NCOR2: variants seen among roughly 807,000 people sequenced by gnomAD.
The protein encoded by NCOR2 is CTG repeat protein 26.
In NCOR2, 81 loss-of-function variants were observed where a neutral mutation model predicts 262.9. The ratio of observed to expected loss-of-function variants is 0.31; its 90% CI spans 0.26 to 0.37. The LOEUF is 0.37. Among genes scored for constraint, NCOR2 ranks in the 10% least tolerant of loss-of-function variants. NCOR2 has a pLI of 1.00. For missense variants in NCOR2, 3,385 were observed against 3,621.4 expected (o/e 0.93, Z 1.68); for synonymous variants, 1,659 against 1,559.3 (o/e 1.06, Z -1.51).
chr12:124,333,888 G>GTGTGTGTGTGCGCGCA lies in NCOR2; in HGVS notation c.6605+535_6605+536insTGCGCGCACACACACA, dbSNP rs777481440. 6.8e-3 allele frequency among the ~76,000 whole-genome samples: 141 copies of GTGTGTGTGTGCGCGCA among 20,710 alleles called. 2 individuals carry two copies. The East Asian group carries it at 0.16, about 24-fold the overall frequency. The allele number at this position is 20,710 out of a possible 152,430, so 13.6% of individuals were successfully genotyped here. ...TGTGCGCATGTGTGCGGGTGTGCAT[G>GTGTGTGTGTGCGCGCA]TGTGTGTGCGCGCGCATGTGTGCGG... On this transcript the variant is annotated intron_variant, in intron 41 of 46. Transcript: ENST00000405201.
intron 7 of NCOR2, among the ~76,000 whole-genome samples, chr12:124,438,607 G>A (rs1314613040): frequency 6.6e-6 from 1 of 152,068 alleles, no homozygotes; most frequent in African/African-American, 2.4e-5. Flanking sequence ...TCTCAACCAA[G>A]CAGGTTACAC....
rs1485969432 is a variant in NCOR2 at position 124,354,213 on chromosome 12, G to GTGGGGC, written c.3590-23_3590-18dup. ...GAGCTGTCCCTGGAAGACACAAGAT[G>GTGGGGC]TGGGGCTGAGGGCGTGTCTGTGGCC... On this transcript the variant is annotated splice_polypyrimidine_tract_variant and intron_variant, in intron 26 of 46. Transcript: ENST00000405201. 4 of 1,574,886 alleles carry GTGGGGC rather than the reference G, an allele frequency of 2.5e-6. No individual in the cohort carries two copies. The African/African-American group carries it at 5.4e-5, about 21-fold the overall frequency.
At chr12:124,427,389 A>C (rs550350242) in intron 10 of NCOR2, among the ~76,000 whole-genome samples, 19 of 152,234 alleles carry the variant, frequency 1.2e-4, no homozygotes, top group African/African-American at 4.3e-4. Context: ...GGCCGCTCCT[A>C]ATGCACTGGG....
exon 47 of NCOR2, chr12:124,325,005 G>A (rs1005677065): frequency 3.1e-5 from 5 of 159,796 alleles, no homozygotes; most frequent in Admixed American, 1.9e-4. Flanking sequence ...CGGGGGCTGC[G>A]AGCTCAGTTT....
intron 8 of NCOR2, among the ~76,000 whole-genome samples, chr12:124,433,448 C>A (rs946252191): frequency 4.3e-4 from 65 of 152,300 alleles, no homozygotes; most frequent in Middle Eastern, 3.4e-3. Context: ...GCCAGCGGGG[C>A]CTCAGCCTGT....
At chr12:124,363,690 T>C in exon 21 of NCOR2, 1 of 1,389,930 alleles carries the variant, frequency 7.2e-7, no homozygotes, top group Admixed American at 2.7e-5. Flanking sequence ...ATGGGGGGGA[T>C]GGCAGCCGCT....
chr12:124,403,943 G>A (rs914895318), intron 13 of NCOR2, among the ~76,000 whole-genome samples: 3 of 152,336 alleles, frequency 2.0e-5, no homozygotes, highest in African/African-American at 7.2e-5. Context: ...TGTAAGAGGA[G>A]CCAGGAAGGG....
chr12:124,519,779 G>C (rs377608228), intron 1 of NCOR2, among the ~76,000 whole-genome samples: 1 of 152,162 alleles, frequency 6.6e-6, no homozygotes, highest in Non-Finnish European at 1.5e-5. Context: ...TGTGCTAAGC[G>C]GGTCCCCTGG....
intron 29 of NCOR2, 87 bp downstream of exon 31, chr12:124,348,087 G>A (rs948342923): frequency 9.5e-6 from 15 of 1,579,672 alleles, no homozygotes; most frequent in Middle Eastern, 1.7e-4. Context: ...GCCCAGCCTC[G>A]GTTTCCCCAT....
chr12:124,326,493 G>A, intron 45 of NCOR2, 123 bp from the exon 48 acceptor site: 1 of 1,002,004 alleles, frequency 1.0e-6, no homozygotes, highest in Non-Finnish European at 1.3e-6. Flanking sequence ...AGGGAGAGCA[G>A]TAACGTGAAC....
exon 27 of NCOR2, chr12:124,354,138 C>T: frequency 6.2e-7 from 1 of 1,610,528 alleles, no homozygotes; most frequent in East Asian, 2.2e-5. Flanking sequence ...CCGAGGGCAC[C>T]CGTGTGCTGG....
intron 31 of NCOR2, 27 bp from the exon 34 acceptor site, chr12:124,344,978 G>T (rs557684945): frequency 2.0e-6 from 3 of 1,500,112 alleles, no homozygotes; most frequent in Non-Finnish European, 2.7e-6. Context: ...GTAAGCTCTA[G>T]CCCTGGCCAC....
At chr12:124,370,639 A>G (rs192029984) in intron 20 of NCOR2, among the ~76,000 whole-genome samples, 125 of 152,330 alleles carry the variant, frequency 8.2e-4, no homozygotes, top group Middle Eastern at 3.4e-3. Flanking sequence ...CCCTCTGCCA[A>G]CCGAGATTGG....
At chr12:124,340,411 T>A in exon 36 of NCOR2, 1 of 1,612,804 alleles carries the variant, frequency 6.2e-7, no homozygotes, top group Non-Finnish European at 8.5e-7. Flanking sequence ...GACGAGGACG[T>A]GGTGGTTGGT....
At position 124,532,534 on chromosome 12, in the gene NCOR2, C is replaced by A. The variant is rs531484681; in HGVS notation, c.-118+3031G>T. 2.6e-5 allele frequency among the ~76,000 whole-genome samples: 4 copies of A among 152,312 alleles called. No homozygotes were observed. In the South Asian group the frequency reaches 8.3e-4, roughly 32 times the overall value. ...TCCCTCAGCAGGGGAGGAGGAGGCCCCACTCCACCGTCTGTCTGCCTTCCC... is the reference window on the plus strand; with the variant it reads ...TCCCTCAGCAGGGGAGGAGGAGGCCACACTCCACCGTCTGTCTGCCTTCCC... On this transcript the variant is annotated intron_variant, in intron 1 of 46. Coordinates refer to the NCOR2 transcript ENST00000404621.
chr12:124,439,227 A>G (rs200870137), intron 7 of NCOR2, among the ~76,000 whole-genome samples: 3 of 152,014 alleles, frequency 2.0e-5, no homozygotes, highest in Non-Finnish European at 2.9e-5. Flanking sequence ...AGAGACCCAG[A>G]GACAGAGGGA....
At position 124,566,816 on chromosome 12, in the gene NCOR2, C is replaced by T. The variant is rs982622173; in HGVS notation, c.-165+492G>A. On this transcript the variant is annotated intron_variant, in intron 1 of 32. Transcript: ENST00000458234. This position sits in a 1 kb window ranked among gnomAD's most constrained non-coding sequence, Gnocchi z 4.3. ...GAGGGACAAGGCTGGCTCTCCCCCTCGGCTGGTGAGAGACCCTCATGCGCC... is the reference window on the plus strand; with the variant it reads ...GAGGGACAAGGCTGGCTCTCCCCCTTGGCTGGTGAGAGACCCTCATGCGCC... Among the ~76,000 whole-genome samples, 4 of 152,178 alleles carry T rather than the reference C, an allele frequency of 2.6e-5. No homozygotes were observed. In the East Asian group the frequency reaches 7.7e-4, roughly 29 times the overall value.
intron 16 of NCOR2, among the ~76,000 whole-genome samples, chr12:124,386,911 G>A (rs2040848119): frequency 6.6e-6 from 1 of 152,236 alleles, no homozygotes; most frequent in African/African-American, 2.4e-5. Flanking sequence ...GGTAGGGCCT[G>A]CCCACTTTCC....
At chr12:124,464,529 G>A (rs2046329197) in intron 5 of NCOR2, among the ~76,000 whole-genome samples, 1 of 152,196 alleles carries the variant, frequency 6.6e-6, no homozygotes, top group Non-Finnish European at 1.5e-5. Flanking sequence ...TTCTTGATGA[G>A]CAAAATTGAG....
Sources: allele counts gnomAD v4.1 joint callset (sites outside exome capture counted in the v4.1 genomes callset), GRCh38; gene constraint gnomAD v4.1.1; non-coding constraint Gnocchi (gnomAD v3.1); transcripts MANE v1.5; gene names NCBI Gene and HGNC (gene_info 2026-07-23, HGNC 2026-07-21).